The following PDGFRA variants were observed in gnomAD, a reference collection of about 807,000 sequenced individuals.
The protein encoded by PDGFRA is platelet-derived growth factor receptor alpha.
In PDGFRA, 25 loss-of-function variants were observed where a neutral mutation model predicts 121.5. That is an observed-to-expected ratio of 0.21 (90% CI 0.15 to 0.29). The LOEUF (loss-of-function observed/expected upper bound fraction) is 0.29. Ranked by LOEUF, PDGFRA falls within the 10% of genes least tolerant of loss-of-function variation. The pLI is 1.00. For missense variants in PDGFRA, 1,008 were observed against 1,345.1 expected, an observed-to-expected ratio of 0.75 and a Z score of 3.92; for synonymous variants, 463 against 494.8, an observed-to-expected ratio of 0.94 and a Z score of 0.85.
chr4:54,243,860 C>T (rs776354526), intron 1 of PDGFRA, among the ~76,000 whole-genome samples: 5 of 152,178 alleles, frequency 3.3e-5, no homozygotes, highest in Non-Finnish European at 5.9e-5. Context: ...TCACTCCCAC[C>T]CCAATACTGC....
At chr4:54,274,505 T>G (rs774806294) in intron 10 of PDGFRA, 26 bp from the exon 11 acceptor site, 1 of 1,567,612 alleles carries the variant, frequency 6.4e-7, no homozygotes, top group Non-Finnish European at 8.8e-7. Flanking sequence ...AAACTTTTCA[T>G]TGTGCCTCTC....
chr4:54,271,715 CTT>C (rs1266990482), intron 8 of PDGFRA, among the ~76,000 whole-genome samples: 7 of 144,316 alleles, frequency 4.9e-5, no homozygotes, highest in African/African-American at 1.8e-4. Flanking sequence ...TTTCCTTTCT[CTT>C]TTTCTTTCCT....
chr4:54,239,443 T>C (rs977068094), intron 1 of PDGFRA, among the ~76,000 whole-genome samples: 12 of 152,220 alleles, frequency 7.9e-5, no homozygotes, highest in South Asian at 2.1e-4. Flanking sequence ...CCAAGAACCT[T>C]TGTGACCTCC....
intron 1 of PDGFRA, among the ~76,000 whole-genome samples, chr4:54,234,313 A>G (rs967218888): frequency 6.6e-6 from 1 of 152,182 alleles, no homozygotes; most frequent in African/African-American, 2.4e-5. Flanking sequence ...AGCTAAAAGT[A>G]CAACCTAAGG....
In PDGFRA at chr4:54,261,139, C is replaced by A. The variant is rs936241714; in HGVS notation, c.94C>A (p.Pro32Thr). 3.1e-6 allele frequency: 5 copies of A among 1,614,048 alleles called. No homozygotes were observed. The highest frequency in any genetic ancestry group is 4.2e-6 in the Non-Finnish European group (5 of 1,180,034). The change falls in exon 3 of 23, where the codon CCA becomes ACA. Residue 32 changes from proline to threonine, a missense_variant. Pro to Thr is a conservative substitution (Grantham distance 38). Around this residue, in one of 5 missense-constraint regions of PDGFRA, gnomAD observed 575 missense variants for 701.8 expected, o/e 0.82. Coordinates refer to ENST00000257290, the MANE Select transcript of PDGFRA (RefSeq NM_006206.6). Reference protein sequence around the residue: ...LCQLSLPSILPNENEKVVQLN... With the variant: ...LCQLSLPSILTNENEKVVQLN... The stretch of plus-strand genomic sequence containing the variant: ...CCAGCTTTCATTACCCTCTATCCTT[C>A]CAAATGAAAATGAAAAGGTTGTGCA...
chr4:54,242,326 T>C (rs1447263875), intron 1 of PDGFRA, among the ~76,000 whole-genome samples: 3 of 152,228 alleles, frequency 2.0e-5, no homozygotes, highest in Admixed American at 1.3e-4. Flanking sequence ...GCCATCTCTT[T>C]GGAGATACCT....
rs541913735 is a variant in PDGFRA, at chr4:54,284,969, T to C, written c.2324-402T>C. Among the ~76,000 whole-genome samples, 254 of 147,880 alleles carry C rather than the reference T, an allele frequency of 1.7e-3. 1 individual carries two copies. The highest frequency in any genetic ancestry group is 6.1e-3 in the African/African-American group (244 of 39,870). The stretch of plus-strand genomic sequence containing the variant: ...TGTGATCTTGGCTCACTGCAACTCA[T>C]TGCAACCTCCTCCTCCCTGATTCAA... On this transcript the variant is annotated intron_variant, in intron 16 of 22. Coordinates refer to ENST00000257290, the MANE Select transcript of PDGFRA (RefSeq NM_006206.6).
rs138740193 is a variant in PDGFRA, at chr4:54,277,423, G to A, written c.1822G>A (p.Val608Ile). The change falls in exon 13 of 23, where the codon GTT becomes ATT. Residue 608 changes from valine (V) to isoleucine (I), a missense_variant. Physicochemically the swap from Val to Ile is conservative, Grantham distance 29 (BLOSUM62 3). Coordinates refer to ENST00000257290, the MANE Select transcript of PDGFRA (RefSeq NM_006206.6). ...GGGGTCTGGAGCGTTTGGGAAGGTGGTTGAAGGAACAGCCTATGGATTAAG... is the reference window on the plus strand; with the variant it reads ...GGGGTCTGGAGCGTTTGGGAAGGTGATTGAAGGAACAGCCTATGGATTAAG... ...VLGSGAFGKV[V>I]EGTAYGLSRS... 5.3e-5 allele frequency: 86 copies of A among 1,614,024 alleles called. No homozygotes were observed. Among genetic ancestry groups the A allele is most frequent in the Non-Finnish European group, 7.0e-5 (83 of 1,180,022 alleles).
chr4:54,258,777 T>C lies in PDGFRA; in HGVS notation c.9T>C (p.Thr3=), dbSNP rs2110235036. 6.2e-7 allele frequency: 1 copy of C among 1,613,326 alleles called. No homozygotes were observed. Among genetic ancestry groups the C allele is most frequent in the South Asian group, 1.1e-5 (1 of 91,068 alleles). The change falls in exon 2 of 23, where the codon ACT becomes ACC. Residue 3 remains threonine, a synonymous_variant. Coordinates refer to ENST00000257290, the MANE Select transcript of PDGFRA (RefSeq NM_006206.6). ...TCTAGTTTCCCAGAGCTATGGGGACTTCCCATCCGGCGTTCCTGGTCTTAG... is the reference window on the plus strand; with the variant it reads ...TCTAGTTTCCCAGAGCTATGGGGACCTCCCATCCGGCGTTCCTGGTCTTAG... MG[T]SHPAFLVLGC...
At position 54,278,087 on chromosome 4, in the gene PDGFRA, A is replaced by T. The variant is rs951620254; in HGVS notation, c.2002+81A>T. 4 of 865,858 alleles carry T rather than the reference A, an allele frequency of 4.6e-6. No homozygotes were observed. In the African/African-American group the frequency reaches 6.6e-5, roughly 14 times the overall value. The allele number at this position is 865,858 out of a possible 1,614,324, so 53.6% of individuals were successfully genotyped here. On this transcript the variant is annotated intron_variant, in intron 14 of 22. Transcript: ENST00000257290. ...CTGTTCAATCAGGCTTAAATCCTCC[A>T]CTCTCCATCCCCACACATGGCAGGG...
chr4:54,241,376 C>CTGAT (rs1281247099), intron 1 of PDGFRA, among the ~76,000 whole-genome samples: 1 of 151,990 alleles, frequency 6.6e-6, no homozygotes, highest in African/African-American at 2.4e-5. Flanking sequence ...GGTAGAATGA[C>CTGAT]TGATTGTTTA....
intron 8 of PDGFRA, among the ~76,000 whole-genome samples, chr4:54,271,966 C>G (rs1723407085): frequency 8.5e-4 from 1 of 1,174 alleles, no homozygotes; most frequent in Non-Finnish European, 1.5e-3. Context: ...CTCCCCTCCC[C>G]TCCCCCCTCC....
Position 54,265,069 on chromosome 4 carries a change from G to T in PDGFRA, c.759+20G>T, listed in dbSNP as rs1242902312. On this transcript the variant is annotated intron_variant, in intron 5 of 22. Transcript: ENST00000257290. ...GAAGTGGTAGGTACCCTCAAAACGT[G>T]CAATGGCTTGGAGCAGAGCAACAGG... The T allele has an allele frequency of 1.9e-6, 3 of 1,612,656 alleles. No individual in the cohort carries two copies. In the African/African-American group the frequency reaches 4.0e-5, roughly 22 times the overall value.
chr4:54,247,108 A>G (rs1455232175), intron 1 of PDGFRA, among the ~76,000 whole-genome samples: 1 of 152,260 alleles, frequency 6.6e-6, no homozygotes, highest in Non-Finnish European at 1.5e-5. Context: ...GTCCAGGACC[A>G]GATGGATTCA....
intron 21 of PDGFRA, 152 bp downstream of exon 21, chr4:54,289,266 C>G: frequency 1.4e-6 from 1 of 696,146 alleles, no homozygotes; most frequent in Non-Finnish European, 2.6e-6. Context: ...CTCCACGAGA[C>G]CCTAGTAGCA....
At chr4:54,250,433 A>G (rs1263093273) in intron 1 of PDGFRA, among the ~76,000 whole-genome samples, 2 of 152,236 alleles carry the variant, frequency 1.3e-5, no homozygotes, top group African/African-American at 4.8e-5. Context: ...TTAAAATCAT[A>G]CAGGAAGCAC....
rs1320355793 is a variant in PDGFRA at position 54,245,587 on chromosome 4, C to T, written c.-12-13170C>T. 5.8e-4 allele frequency among the ~76,000 whole-genome samples: 89 copies of T among 152,236 alleles called. 1 individual carries two copies. The highest frequency in any genetic ancestry group is 6.8e-3 in the Middle Eastern group (2 of 294). ...AGCACTAAACATGGAAAGGAACAACCGGTACCAGCCACTGCAAAATCATGC... is the reference window on the plus strand; with the variant it reads ...AGCACTAAACATGGAAAGGAACAACTGGTACCAGCCACTGCAAAATCATGC... On this transcript the variant is annotated intron_variant, in intron 1 of 22. Transcript: ENST00000257290.
At chr4:54,279,902 T>TTA (rs34230327) in intron 15 of PDGFRA, among the ~76,000 whole-genome samples, 36,470 of 147,286 alleles carry the variant, frequency 0.25, 4,755 homozygotes, top group African/African-American at 0.35. Flanking sequence ...TATAGCTGAG[T>TTA]TACATATATA....
At chr4:54,285,765 C>A in intron 17 of PDGFRA, 76 bp from the exon 18 acceptor site, 1 of 1,494,918 alleles carries the variant, frequency 6.7e-7, no homozygotes, top group Non-Finnish European at 9.2e-7. Context: ...CACCATGGAT[C>A]AGCCAGTCTT....
Sources: allele counts gnomAD v4.1 joint callset (sites outside exome capture counted in the v4.1 genomes callset), GRCh38; gene constraint gnomAD v4.1.1; regional missense constraint gnomAD v4.1.1; transcripts MANE v1.5; gene names NCBI Gene and HGNC (gene_info 2026-07-23, HGNC 2026-07-21).